The following ANG variants were observed in gnomAD, a reference collection of about 807,000 sequenced individuals.
The protein encoded by ANG is angiogenin.
For missense variants in ANG, 178 were observed against 187.4 expected (o/e 0.95, Z 0.29); for synonymous variants, 74 against 73.8 (o/e 1.00, Z -0.02).
chr14:20,684,444 G>A (rs1825055745), upstream of ANG: 2 of 152,322 alleles, frequency 1.3e-5, no homozygotes, highest in South Asian at 2.1e-4. Context: ...GGCCCCTGGG[G>A]CGGGTGCTGC....
Position 20,694,034 on chromosome 14 carries a change from G to A in ANG, c.*26G>A. ...CCAGCGGGCCCCTGGTCAAGTGCTG[G>A]CTCTGCTGTCCTTGCCTTCCATTTC... On this transcript the variant is annotated 3_prime_UTR_variant, in exon 2 of 2. Coordinates refer to ENST00000397990, the MANE Select transcript of ANG (RefSeq NM_001097577.3). 1 of 1,613,386 alleles carries A rather than the reference G, an allele frequency of 6.2e-7. No individual in the cohort carries two copies. Among genetic ancestry groups the A allele is most frequent in the Non-Finnish European group, 8.5e-7 (1 of 1,179,334 alleles).
intron 1 of ANG, among the ~76,000 whole-genome samples, chr14:20,691,320 T>A (rs1021434837): frequency 2.6e-5 from 4 of 152,372 alleles, no homozygotes; most frequent in Non-Finnish European, 5.9e-5. Context: ...GGCAGACCTT[T>A]GACATTAGAA....
In ANG at chr14:20,690,780, T is replaced by TA. The variant is rs1886703921; in HGVS notation, c.-19+1912dup. On this transcript the variant is annotated intron_variant, in intron 1 of 1. Coordinates refer to ENST00000397990, the MANE Select transcript of ANG (RefSeq NM_001097577.3). ...GGAGAGAAAAATGAAGTCAATTACTTAAAAAATATTAAGGGTTATAATAAG... is the reference window on the plus strand; with the variant it reads ...GGAGAGAAAAATGAAGTCAATTACTTAAAAAAATATTAAGGGTTATAATAAG... Among the ~76,000 whole-genome samples, 5 of 152,150 alleles carry TA rather than the reference T, an allele frequency of 3.3e-5. No homozygotes were observed. In the South Asian group the frequency reaches 1.0e-3, roughly 32 times the overall value.
In ANG at chr14:20,693,729, G is replaced by C. The variant is rs772822451; in HGVS notation, c.165G>C (p.Arg55Ser). The C allele has an allele frequency of 2.5e-6, 4 of 1,614,088 alleles. No homozygotes were observed. Among genetic ancestry groups the C allele is most frequent in the Non-Finnish European group, 3.4e-6 (4 of 1,180,052 alleles). The change falls in exon 2 of 2, where the codon AGG (arginine) becomes AGC (serine). Residue 55 changes from arginine (R) to serine (S), a missense_variant. Coordinates refer to ENST00000397990, the MANE Select transcript of ANG (RefSeq NM_001097577.3). The stretch of plus-strand genomic sequence containing the variant: ...ACAGATACTGTGAAAGCATCATGAG[G>C]AGACGGGGCCTGACCTCACCCTGCA... ...RDDRYCESIM[R>S]RRGLTSPCKD...
chr14:20,685,379 A>G (rs1234052396), upstream of ANG, among the ~76,000 whole-genome samples: 1 of 152,036 alleles, frequency 6.6e-6, no homozygotes, highest in Non-Finnish European at 1.5e-5. Context: ...TTTCAGCACC[A>G]CTCAGGGGGC....
At position 20,691,845 on chromosome 14, in the gene ANG, G is replaced by A. The variant is rs1312869309; in HGVS notation, c.-18-1702G>A. 2.6e-5 allele frequency among the ~76,000 whole-genome samples: 4 copies of A among 152,174 alleles called. No homozygotes were observed. In the East Asian group the frequency reaches 5.8e-4, roughly 22 times the overall value. ...GAGCCCACTTTGCTCACCCAGTCAC[G>A]TCTTCCCATGTAACCATAGAACATT... On this transcript the variant is annotated intron_variant, in intron 1 of 1. Coordinates refer to ENST00000397990, the MANE Select transcript of ANG (RefSeq NM_001097577.3).
chr14:20,688,725 G>A, upstream of ANG: 4 of 985,294 alleles, frequency 4.1e-6, no homozygotes, highest in Non-Finnish European at 4.8e-6. Context: ...TGCCAGGACT[G>A]GGACACTATA....
At position 20,688,812 on chromosome 14, in the gene ANG, C is replaced by T. The variant is rs1394865556; in HGVS notation, c.-81C>T. On this transcript the variant is annotated 5_prime_UTR_variant, in exon 1 of 2. Coordinates refer to ENST00000397990, the MANE Select transcript of ANG (RefSeq NM_001097577.3). Reference sequence around the variant, plus strand: ...ACTGGAACCCATCTCCAGGAACAAACAGCTGGAACCCATCTCCCGTTGAAG... The same window carrying T: ...ACTGGAACCCATCTCCAGGAACAAATAGCTGGAACCCATCTCCCGTTGAAG... 1 of 985,412 alleles carries T rather than the reference C, an allele frequency of 1.0e-6. No individual in the cohort carries two copies. Among genetic ancestry groups the T allele is most frequent in the Non-Finnish European group, 1.2e-6 (1 of 829,922 alleles). 61.0% of individuals were successfully genotyped at this position (985,412 alleles called of 1,614,324 possible). A position where few individuals can be genotyped will look rare whatever the true frequency, so the allele number is the denominator to read the frequency against.
rs538175793 is a variant in ANG, at chr14:20,693,047, C to T, written c.-18-500C>T. ...TATTTTTAGTAGAGACGGGGTTTCA[C>T]CGTGGTAGCCAGGATGGTCTCGATC... On this transcript the variant is annotated intron_variant, in intron 1 of 1. Transcript: ENST00000397990. Among the ~76,000 whole-genome samples the T allele has an allele frequency of 2.8e-3, 418 of 151,690 alleles. 1 individual carries two copies. The highest frequency in any genetic ancestry group is 3.3e-3 in the Non-Finnish European group (222 of 67,956).
intron 1 of ANG, among the ~76,000 whole-genome samples, chr14:20,691,046 A>C (rs1297642553): frequency 6.6e-6 from 1 of 152,216 alleles, no homozygotes; most frequent in Non-Finnish European, 1.5e-5. Flanking sequence ...CCTTGGTCTT[A>C]ATATCTAATG....
At chr14:20,686,762 C>T (rs1046468548), upstream of ANG, among the ~76,000 whole-genome samples, 1 of 152,228 alleles carries the variant, frequency 6.6e-6, no homozygotes, top group Non-Finnish European at 1.5e-5. Context: ...TTACCTGTTA[C>T]TTCCGTTATT....
chr14:20,692,455 G>T lies in ANG; in HGVS notation c.-18-1092G>T, dbSNP rs553125029. ...CCTGGGCTCAGGGTTCCCTAGAACA[G>T]AGGTCCCCAAATCCCGGTCTGTGGC... is the stretch of plus-strand genomic sequence containing the variant. On this transcript the variant is annotated intron_variant, in intron 1 of 1. Transcript: ENST00000397990. 3.3e-5 allele frequency among the ~76,000 whole-genome samples: 5 copies of T among 152,386 alleles called. No individual in the cohort carries two copies. The South Asian group carries it at 8.3e-4, about 25-fold the overall frequency.
At chr14:20,689,916 A>C (rs1594204863) in intron 1 of ANG, among the ~76,000 whole-genome samples, 2 of 47,898 alleles carry the variant, frequency 4.2e-5, no homozygotes, top group South Asian at 6.2e-4. Context: ...ACTCTGTCTC[A>C]AAAAAAAAAA....
chr14:20,693,077 G>A (rs910568864), intron 1 of ANG, among the ~76,000 whole-genome samples: 1 of 151,934 alleles, frequency 6.6e-6, no homozygotes, highest in Non-Finnish European at 1.5e-5. Context: ...TCGATCTCCT[G>A]ACCTCGTGAT....
At chr14:20,686,847 C>G (rs563697133), upstream of ANG, among the ~76,000 whole-genome samples, 1 of 152,266 alleles carries the variant, frequency 6.6e-6, no homozygotes, top group African/African-American at 2.4e-5. Flanking sequence ...CCATTCTTCC[C>G]ATCATCTAAT....
chr14:20,689,877 C>T (rs1425434170), intron 1 of ANG, among the ~76,000 whole-genome samples: 1 of 145,670 alleles, frequency 6.9e-6, no homozygotes, highest in African/African-American at 2.6e-5. Flanking sequence ...GATAGCACCA[C>T]TGCGATCTAG....
intron 1 of ANG, among the ~76,000 whole-genome samples, chr14:20,692,228 G>C (rs1886794166): frequency 6.6e-6 from 1 of 152,198 alleles, no homozygotes; most frequent in Admixed American, 6.5e-5. Context: ...GAATTTCTCA[G>C]TATGTGTGAT....
upstream of ANG, among the ~76,000 whole-genome samples, chr14:20,686,850 C>A (rs758582459): frequency 2.0e-5 from 3 of 152,306 alleles, no homozygotes; most frequent in Non-Finnish European, 4.4e-5. Context: ...TTCTTCCCAT[C>A]ATCTAATTTT....
upstream of ANG, among the ~76,000 whole-genome samples, chr14:20,685,987 C>A (rs1886406082): frequency 6.8e-6 from 1 of 147,690 alleles, no homozygotes; most frequent in Non-Finnish European, 1.5e-5. Context: ...TTACAGTGAA[C>A]AGAGATTGCG....
Sources: allele counts gnomAD v4.1 joint callset (sites outside exome capture counted in the v4.1 genomes callset), GRCh38; gene constraint gnomAD v4.1.1; transcripts MANE v1.5; gene names NCBI Gene and HGNC (gene_info 2026-07-23, HGNC 2026-07-21).